GRXCR2: variants seen among roughly 807,000 people sequenced by gnomAD.
The protein encoded by GRXCR2 is glutaredoxin domain-containing cysteine-rich protein 2.
Under a neutral mutation model 24.8 loss-of-function variants are expected in GRXCR2, and 23 were observed. The ratio of observed to expected loss-of-function variants is 0.93; its 90% CI spans 0.67 to 1.32. The LOEUF (loss-of-function observed/expected upper bound fraction) is 1.32. Among genes scored for constraint, GRXCR2 ranks in the 40% most tolerant of loss-of-function variants. GRXCR2 has a pLI of 0.00. For missense variants in GRXCR2, 315 were observed against 303.4 expected (o/e 1.04, Z -0.28); for synonymous variants, 130 against 116.1 (o/e 1.12, Z -0.77).
At chr5:145,930,988 C>T (rs1757469521) in intron 2 of GRXCR2, among the ~76,000 whole-genome samples, 1 of 152,142 alleles carries the variant, frequency 6.6e-6, no homozygotes, top group Admixed American at 6.5e-5. Flanking sequence ...AGCTGAGATT[C>T]AAACCGGGTC....
At chr5:145,864,949 A>G (rs535177021) in intron 2 of GRXCR2, among the ~76,000 whole-genome samples, 1 of 152,252 alleles carries the variant, frequency 6.6e-6, no homozygotes, top group Non-Finnish European at 1.5e-5. Context: ...CTTATGCTCT[A>G]GGGGAAGGGA....
At chr5:145,912,575 T>C (rs1160993925) in intron 2 of GRXCR2, among the ~76,000 whole-genome samples, 2 of 152,014 alleles carry the variant, frequency 1.3e-5, no homozygotes, top group South Asian at 4.2e-4. Context: ...TGATAGATGG[T>C]GGTAAGTGTT....
intron 2 of GRXCR2, among the ~76,000 whole-genome samples, chr5:145,914,402 A>G (rs1205114393): frequency 2.0e-5 from 3 of 152,098 alleles, no homozygotes; most frequent in Non-Finnish European, 4.4e-5. Context: ...CTGGCGAGGC[A>G]TGGTACCTCA....
At chr5:145,866,451 C>A in intron 2 of GRXCR2, 50 bp downstream of exon 2, 1 of 1,359,006 alleles carries the variant, frequency 7.4e-7, no homozygotes, top group South Asian at 1.2e-5. Context: ...GCTTGGAGAC[C>A]ATTGCTGTAG....
intron 2 of GRXCR2, among the ~76,000 whole-genome samples, chr5:145,905,649 A>G (rs1342929828): frequency 6.6e-6 from 1 of 152,208 alleles, no homozygotes; most frequent in Non-Finnish European, 1.5e-5. Context: ...GGAATAAATA[A>G]TTCCGAGTTG....
At chr5:145,900,216 G>A (rs1315757393) in intron 2 of GRXCR2, among the ~76,000 whole-genome samples, 1 of 151,980 alleles carries the variant, frequency 6.6e-6, no homozygotes, top group Non-Finnish European at 1.5e-5. Context: ...CCCTCTTGCT[G>A]TTCTCCTGAT....
At chr5:145,928,599 T>C (rs1757433699) in intron 2 of GRXCR2, among the ~76,000 whole-genome samples, 1 of 152,146 alleles carries the variant, frequency 6.6e-6, no homozygotes, top group Admixed American at 6.5e-5. Context: ...TCATGTCCTT[T>C]GTAGGACACG....
At chr5:145,930,060 CTTTA>C (rs77261565) in intron 2 of GRXCR2, among the ~76,000 whole-genome samples, 1 of 151,054 alleles carries the variant, frequency 6.6e-6, no homozygotes, top group Non-Finnish European at 1.5e-5. Context: ...TTGGGCTAGT[CTTTA>C]TTTATTTATT....
intron 2 of GRXCR2, among the ~76,000 whole-genome samples, chr5:145,907,004 A>C (rs1397978753): frequency 6.6e-6 from 1 of 152,172 alleles, no homozygotes; most frequent in African/African-American, 2.4e-5. Flanking sequence ...TTTCCAGCAA[A>C]GGGAACTTCT....
intron 2 of GRXCR2, among the ~76,000 whole-genome samples, chr5:145,904,812 C>A (rs1277900390): frequency 6.6e-6 from 1 of 152,184 alleles, no homozygotes; most frequent in Admixed American, 6.5e-5. Context: ...GGACCAGTTG[C>A]CTCCAGATGG....
intron 2 of GRXCR2, among the ~76,000 whole-genome samples, chr5:145,905,090 G>A (rs750260788): frequency 2.9e-4 from 44 of 152,200 alleles, no homozygotes; most frequent in Non-Finnish European, 5.4e-4. Flanking sequence ...ACCCAAGAGA[G>A]TGATTACCAA....
chr5:145,921,195 A>T (rs1461313164), intron 2 of GRXCR2, among the ~76,000 whole-genome samples: 5 of 152,246 alleles, frequency 3.3e-5, no homozygotes, highest in Non-Finnish European at 7.3e-5. Context: ...AACACTCAGT[A>T]AGTTGCAGGG....
intron 2 of GRXCR2, among the ~76,000 whole-genome samples, chr5:145,883,128 A>T (rs2149916119): frequency 6.6e-6 from 1 of 152,194 alleles, no homozygotes. Context: ...ATATGTATCA[A>T]ACCTGCATGT....
chr5:145,915,725 C>T (rs772588848), intron 2 of GRXCR2, among the ~76,000 whole-genome samples: 1 of 150,374 alleles, frequency 6.7e-6, no homozygotes. Context: ...CAGAGCAACA[C>T]TTCATCTCAA....
At chr5:145,863,150 G>A (rs375768613) in intron 2 of GRXCR2, among the ~76,000 whole-genome samples, 25 of 152,238 alleles carry the variant, frequency 1.6e-4, no homozygotes, top group Admixed American at 1.5e-3. Flanking sequence ...AAACCTGGCC[G>A]GGCTTTCAGC....
chr5:145,882,704 T>C (rs1756720431), intron 2 of GRXCR2, among the ~76,000 whole-genome samples: 2 of 152,156 alleles, frequency 1.3e-5, no homozygotes, highest in South Asian at 4.1e-4. Context: ...ATCATGCTGC[T>C]GTAAAGACAC....
intron 2 of GRXCR2, among the ~76,000 whole-genome samples, chr5:145,903,269 T>A (rs1757047199): frequency 6.6e-6 from 1 of 152,114 alleles, no homozygotes. Context: ...TGGAGACTTG[T>A]TTAAAAACTT....
At chr5:145,869,250 T>C (rs73308123) in intron 1 of GRXCR2, among the ~76,000 whole-genome samples, 6,348 of 152,296 alleles carry the variant, frequency 0.042, 430 homozygotes, top group African/African-American at 0.14. Flanking sequence ...CTTCCGTTTT[T>C]CCAATCTGTA....
At position 145,866,623 on chromosome 5, in the gene GRXCR2, T is replaced by C. The variant is rs1262038602; in HGVS notation, c.442A>G (p.Lys148Glu). 1 of 1,614,080 alleles carries C rather than the reference T, an allele frequency of 6.2e-7. No homozygotes were observed. Among genetic ancestry groups the C allele is most frequent in the East Asian group, 2.2e-5 (1 of 44,886 alleles). The stretch of plus-strand genomic sequence containing the variant: ...GACTCTTCCTCAGCCTCCTCTTCCT[T>C]CTGGAGAATTTTCCTCACAAAATCT... ...KRDFVRKILQ[K>E]EEEAEEESLM... Residue 148 changes from lysine to glutamate, a missense_variant, in exon 2 of 3, where the codon AAG becomes GAG. Lys to Glu is a moderately conservative substitution (Grantham distance 56, BLOSUM62 1). Transcript: ENST00000377976.
Sources: allele counts gnomAD v4.1 joint callset (sites outside exome capture counted in the v4.1 genomes callset), GRCh38; gene constraint gnomAD v4.1.1; transcripts MANE v1.5; gene names NCBI Gene and HGNC (gene_info 2026-07-23, HGNC 2026-07-21).